The following WNT10B variants were observed in gnomAD, a reference collection of about 807,000 sequenced individuals.
The protein encoded by WNT10B is protein Wnt-10b.
Under a neutral mutation model 32.7 loss-of-function variants are expected in WNT10B, and 26 were observed. The ratio of observed to expected loss-of-function variants is 0.79; its 90% CI spans 0.58 to 1.10. The LOEUF is 1.10. Ranked by LOEUF, WNT10B falls within the 50% of genes least tolerant of loss-of-function variation. The pLI is 0.00. For synonymous variants in WNT10B, 204 were observed against 220.4 expected, an observed-to-expected ratio of 0.93 and a Z score of 0.66; for missense variants, 474 against 532.5, an observed-to-expected ratio of 0.89 and a Z score of 1.08.
chr12:48,969,283 C>T (rs1054679570), intron 3 of WNT10B: 2 of 380,472 alleles, frequency 5.3e-6, no homozygotes, highest in Non-Finnish European at 1.1e-5. Context: ...GCCTTCTGAT[C>T]CCCCTAACTC....
chr12:48,966,077 C>G lies in WNT10B; in HGVS notation c.*18G>C. ...TCTCACACAGTCCTCTTCCCCAGCC[C>G]CAAGGTAAGGCTGACCCTCACTTAC... On this transcript the variant is annotated 3_prime_UTR_variant, in exon 5 of 5. Coordinates refer to ENST00000301061, the MANE Select transcript of WNT10B (RefSeq NM_003394.4). 1 of 1,613,372 alleles carries G rather than the reference C, an allele frequency of 6.2e-7. No individual in the cohort carries two copies.
intron 4 of WNT10B, among the ~76,000 whole-genome samples, 172 bp from the exon 5 acceptor site, chr12:48,966,725 AT>A (rs1157070105): frequency 6.6e-6 from 1 of 152,212 alleles, no homozygotes. Flanking sequence ...CAACTTCCTC[AT>A]TTTATGATGG....
Position 48,966,169 on chromosome 12 carries a change from A to C in WNT10B, c.1096T>G (p.Cys366Gly). 1 of 1,613,636 alleles carries C rather than the reference A, an allele frequency of 6.2e-7. No homozygotes were observed. The highest frequency in any genetic ancestry group is 1.1e-5 in the South Asian group (1 of 91,086). ...ACATAGCAGCACCAGTGGAAGCGGC[A>C]ATGGCAGCGCTCAACTCGTGTCTGC... is the stretch of plus-strand genomic sequence containing the variant. Reference protein sequence around the residue: ...LRQTRVERCHCRFHWCCYVLC... With the variant: ...LRQTRVERCHGRFHWCCYVLC... The change falls in exon 5 of 5, where the codon TGC (cysteine) becomes GGC (glycine). Residue 366 changes from cysteine (C) to glycine (G), a missense_variant. Coordinates refer to ENST00000301061, the MANE Select transcript of WNT10B (RefSeq NM_003394.4).
chr12:48,966,260 G>A lies in WNT10B; in HGVS notation c.1005C>T (p.Asn335=). ...AGCCATCCAACAGGCGGCTGGTCTT[G>A]TTGCAGGCCCGGCCCCTTGTCCCTG... is the stretch of plus-strand genomic sequence containing the variant. ...GSPGTRGRAC[N]KTSRLLDGCG... The change falls in exon 5 of 5, where the codon AAC becomes AAT. Residue 335 remains asparagine, a synonymous_variant. Coordinates refer to ENST00000301061, the MANE Select transcript of WNT10B (RefSeq NM_003394.4). 6.2e-7 allele frequency: 1 copy of A among 1,614,210 alleles called. No homozygotes were observed. The highest frequency in any genetic ancestry group is 8.5e-7 in the Non-Finnish European group (1 of 1,180,030).
At position 48,966,227 on chromosome 12, in the gene WNT10B, G is replaced by A. The variant is rs555533148; in HGVS notation, c.1038C>T (p.Ser346=). The change falls in exon 5 of 5, where the codon AGC becomes AGT. Residue 346 remains serine (S), a synonymous_variant. Coordinates refer to ENST00000301061, the MANE Select transcript of WNT10B (RefSeq NM_003394.4). ...KTSRLLDGCG[S]LCCGRGHNVL... is the part of the protein sequence containing the mutation. ...CGTTGTGCCCACGGCCACAGCACAGGCTGCCACAGCCATCCAACAGGCGGC... is the reference window on the plus strand; with the variant it reads ...CGTTGTGCCCACGGCCACAGCACAGACTGCCACAGCCATCCAACAGGCGGC... 4 of 1,614,076 alleles carry A rather than the reference G, an allele frequency of 2.5e-6. No individual in the cohort carries two copies. The South Asian group carries it at 4.4e-5, about 18-fold the overall frequency.
In WNT10B at chr12:48,965,962, T is replaced by C; in HGVS notation, c.*133A>G. ...GAGTCCACCTGACCCCCACCACCCC[T>C]AAAGCTGTTTCCAGGTAGATACTTT... On this transcript the variant is annotated 3_prime_UTR_variant, in exon 5 of 5. Coordinates refer to ENST00000301061, the MANE Select transcript of WNT10B (RefSeq NM_003394.4). 8.9e-7 allele frequency: 1 copy of C among 1,126,222 alleles called. No individual in the cohort carries two copies. The highest frequency in any genetic ancestry group is 1.4e-5 in the South Asian group (1 of 70,906). The allele number at this position is 1,126,222 out of a possible 1,614,324, so 69.8% of individuals were successfully genotyped here.
At position 48,970,606 on chromosome 12, in the gene WNT10B, G is replaced by C. The variant is rs1940837145; in HGVS notation, c.-40-37C>G. Reference sequence around the variant, plus strand: ...GAGACTTGATGCGGGTTCAGGAATAGGGCGGCTCGCTTGGGGAACCAAGTG... The same window carrying C: ...GAGACTTGATGCGGGTTCAGGAATACGGCGGCTCGCTTGGGGAACCAAGTG... On this transcript the variant is annotated intron_variant, in intron 1 of 4. Transcript: ENST00000301061. The surrounding 1 kb of genome is among the most constrained non-coding windows in gnomAD (Gnocchi z 5.0). 1.3e-6 allele frequency: 2 copies of C among 1,518,040 alleles called. No homozygotes were observed. Among genetic ancestry groups the C allele is most frequent in the African/African-American group, 2.8e-5 (2 of 72,282 alleles). The allele number at this position is 1,518,040 out of a possible 1,614,324, so 94.0% of individuals were successfully genotyped here.
rs1940835177 is a variant in WNT10B, at chr12:48,970,531, T to C, written c.-2A>G. 1.3e-6 allele frequency: 2 copies of C among 1,574,846 alleles called. No individual in the cohort carries two copies. The highest frequency in any genetic ancestry group is 1.9e-5 in the Admixed American group (1 of 52,730). ...CCGCGGCCGGGGCTCCTCCAGCATGTCGAAGCCCGGAGGCTCCGGTGGGCA... is the reference window on the plus strand; with the variant it reads ...CCGCGGCCGGGGCTCCTCCAGCATGCCGAAGCCCGGAGGCTCCGGTGGGCA... On this transcript the variant is annotated 5_prime_UTR_variant, in exon 2 of 5. Coordinates refer to ENST00000301061, the MANE Select transcript of WNT10B (RefSeq NM_003394.4). The surrounding 1 kb of genome is among the most constrained non-coding windows in gnomAD (Gnocchi z 5.0).
At chr12:48,967,326 C>T (rs1449821216) in intron 4 of WNT10B, among the ~76,000 whole-genome samples, 3 of 152,072 alleles carry the variant, frequency 2.0e-5, no homozygotes, top group Non-Finnish European at 4.4e-5. Flanking sequence ...CCACCATGCC[C>T]GGGTAATTTT....
At position 48,970,554 on chromosome 12, in the gene WNT10B, G is replaced by A. The variant is rs1940835743; in HGVS notation, c.-25C>T. ...TGTCGAAGCCCGGAGGCTCCGGTGG[G>A]CAGATCGATCAGGACCTGCGGGACG... is the stretch of plus-strand genomic sequence containing the variant. On this transcript the variant is annotated 5_prime_UTR_variant, in exon 2 of 5. Coordinates refer to ENST00000301061, the MANE Select transcript of WNT10B (RefSeq NM_003394.4). The surrounding 1 kb of genome is among the most constrained non-coding windows in gnomAD (Gnocchi z 5.0). 6.4e-7 allele frequency: 1 copy of A among 1,562,466 alleles called. No homozygotes were observed. Among genetic ancestry groups the A allele is most frequent in the South Asian group, 1.2e-5 (1 of 85,196 alleles).
chr12:48,966,373 G>A lies in WNT10B; in HGVS notation c.892C>T (p.Arg298Cys), dbSNP rs369698637. 51 of 1,614,064 alleles carry A rather than the reference G, an allele frequency of 3.2e-5. No homozygotes were observed. Among genetic ancestry groups the A allele is most frequent in the African/African-American group, 5.3e-5 (4 of 74,938 alleles). The change falls in exon 5 of 5, where the codon CGT becomes TGT. Residue 298 changes from arginine (R) to cysteine (C), a missense_variant. Transcript: ENST00000301061. ...CCTGAGAGGCGACGGGGACGCAGACGGGGCTGGAAGGCTCCAGAATTGCGG... is the reference window on the plus strand; with the variant it reads ...CCTGAGAGGCGACGGGGACGCAGACAGGGCTGGAAGGCTCCAGAATTGCGG... Reference protein sequence around the residue: ...HNRNSGAFQPRLRPRRLSGEL... With the variant: ...HNRNSGAFQPCLRPRRLSGEL...
intron 3 of WNT10B, among the ~76,000 whole-genome samples, chr12:48,968,860 C>A (rs1940794017): frequency 6.6e-6 from 1 of 151,964 alleles, no homozygotes; most frequent in Admixed American, 6.6e-5. Context: ...ATCCTAGCAC[C>A]CCCAAAGCAC....
Position 48,968,255 on chromosome 12 carries a change from C to G in WNT10B, c.402G>C (p.Thr134=), listed in dbSNP as rs763263982. 2 of 1,609,252 alleles carry G rather than the reference C, an allele frequency of 1.2e-6. No individual in the cohort carries two copies. The highest frequency in any genetic ancestry group is 2.2e-5 in the East Asian group (1 of 44,888). The change falls in exon 4 of 5, where the codon ACG becomes ACC. Residue 134 remains threonine (T), a synonymous_variant. Transcript: ENST00000301061. The part of the protein sequence containing the change: ...LAAGVMHAVA[T]ACSLGKLVSC... ...TCACCAGCTTGCCCAGGCTGCAGGC[C>G]GTGGCTACTGCGTGCATGACCCCAG... is the stretch of plus-strand genomic sequence containing the variant.
rs1029948087 is a variant in WNT10B at position 48,970,735 on chromosome 12, T to C, written c.-40-166A>G. 1.1e-5 allele frequency: 7 copies of C among 621,866 alleles called. No individual in the cohort carries two copies. The highest frequency in any genetic ancestry group is 1.1e-4 in the African/African-American group (6 of 54,142). The allele number at this position is 621,866 out of a possible 1,614,324, so 38.5% of individuals were successfully genotyped here. ...AACACCCCTTGATTCCCAGAGTCCC[T>C]GAGGCTTGGAGGTCTTAAAGAAGAA... On this transcript the variant is annotated intron_variant, in intron 1 of 4. Transcript: ENST00000301061. This position sits in a 1 kb window ranked among gnomAD's most constrained non-coding sequence, Gnocchi z 5.0.
At chr12:48,967,460 G>T (rs566703706) in intron 4 of WNT10B, among the ~76,000 whole-genome samples, 1 of 151,908 alleles carries the variant, frequency 6.6e-6, no homozygotes, top group South Asian at 2.1e-4. Flanking sequence ...CACTGCACCC[G>T]GCCTAATTTT....
At position 48,968,013 on chromosome 12, in the gene WNT10B, T is replaced by C; in HGVS notation, c.644A>G (p.Asp215Gly). The change falls in exon 4 of 5, where the codon GAT becomes GGT. Residue 215 changes from aspartate to glycine, a missense_variant. Asp to Gly is a moderately conservative substitution (Grantham distance 94, BLOSUM62 -1). Coordinates refer to ENST00000301061, the MANE Select transcript of WNT10B (RefSeq NM_003394.4). ...GATGTCCCGGGGAGCTTCCCTGGAA[T>C]CCAAGAAATCCCGAGAGAACTTCTC... ...FGEKFSRDFL[D>G]SREAPRDIQA... is the part of the protein sequence containing the mutation. 1.2e-6 allele frequency: 2 copies of C among 1,614,264 alleles called. No individual in the cohort carries two copies. The highest frequency in any genetic ancestry group is 2.2e-5 in the South Asian group (2 of 91,088).
chr12:48,967,681 G>A (rs551684769), intron 4 of WNT10B, among the ~76,000 whole-genome samples: 36 of 152,150 alleles, frequency 2.4e-4, no homozygotes, highest in African/African-American at 7.2e-4. Flanking sequence ...TGAACTCCTG[G>A]CCTCAAGCAA....
chr12:48,970,072 C>T lies in WNT10B; in HGVS notation c.337+17G>A. 12 of 1,499,642 alleles carry T rather than the reference C, an allele frequency of 8.0e-6. No individual in the cohort carries two copies. Among genetic ancestry groups the T allele is most frequent in the East Asian group, 2.5e-5 (1 of 39,564 alleles). The allele number at this position is 1,499,642 out of a possible 1,614,324, so 92.9% of individuals were successfully genotyped here. Reference sequence around the variant, plus strand: ...CCTAGCCTCCGCGGCAGCGCCGACCCGCCCAGCCAGGCTCACCGCGCTTGA... The same window carrying T: ...CCTAGCCTCCGCGGCAGCGCCGACCTGCCCAGCCAGGCTCACCGCGCTTGA... On this transcript the variant is annotated intron_variant, in intron 3 of 4. Coordinates refer to ENST00000301061, the MANE Select transcript of WNT10B (RefSeq NM_003394.4). The surrounding 1 kb of genome is among the most constrained non-coding windows in gnomAD (Gnocchi z 5.0).
chr12:48,967,113 A>G (rs1181247526), intron 4 of WNT10B, among the ~76,000 whole-genome samples: 1 of 116,958 alleles, frequency 8.6e-6, no homozygotes, highest in Non-Finnish European at 1.8e-5. Context: ...GCCTCAGCCT[A>G]CTGAGTAGCT....
Sources: gnomAD v4.1 joint callset for allele counts (sites outside exome capture counted in the v4.1 genomes callset) on GRCh38, gnomAD v4.1.1 for gene constraint, Gnocchi (gnomAD v3.1) non-coding constraint, MANE v1.5 for transcripts, NCBI Gene and HGNC (gene_info 2026-07-23, HGNC 2026-07-21) for gene names.